Variants in PRKACB observed in about 807,000 individuals in gnomAD.
PRKACB encodes the protein cAMP-dependent protein kinase catalytic subunit beta.
Under a neutral mutation model 51.4 loss-of-function variants are expected in PRKACB, and 16 were observed. That is an observed-to-expected ratio of 0.31 (90% confidence interval 0.21 to 0.47). PRKACB has a LOEUF of 0.47. Among genes scored for constraint, PRKACB ranks in the 20% least tolerant of loss-of-function variants. The pLI, the probability that PRKACB is intolerant of heterozygous loss-of-function variation, is 1.00. For missense variants in PRKACB, 309 were observed against 464.5 expected, an observed-to-expected ratio of 0.67 and a Z score of 3.08; for synonymous variants, 147 against 154.4, an observed-to-expected ratio of 0.95 and a Z score of 0.35.
intron 6 of PRKACB, 136 bp downstream of exon 6, chr1:84,196,878 G>T: frequency 6.2e-6 from 6 of 971,300 alleles, no homozygotes; most frequent in Non-Finnish European, 7.4e-6. Context: ...TCAGAGTTTT[G>T]CTGCTATTAC....
chr1:84,137,266 T>C (rs1652922604), intron 1 of PRKACB, among the ~76,000 whole-genome samples: 1 of 152,202 alleles, frequency 6.6e-6, no homozygotes. Context: ...GGATAAATTT[T>C]AAATACATAT....
At chr1:84,175,863 G>A (rs1000661557) in intron 1 of PRKACB, 8 of 1,281,686 alleles carry the variant, frequency 6.2e-6, no homozygotes, top group Non-Finnish European at 8.3e-6. Context: ...CATACAAACA[G>A]AAAAAATATA....
chr1:84,218,848 T>C (rs903110089), intron 9 of PRKACB, among the ~76,000 whole-genome samples: 5 of 152,232 alleles, frequency 3.3e-5, no homozygotes, highest in Admixed American at 1.3e-4. Context: ...CTGGGTACGA[T>C]GATATCTCAC....
At chr1:84,227,337 T>C (rs900225228) in intron 9 of PRKACB, among the ~76,000 whole-genome samples, 2 of 152,150 alleles carry the variant, frequency 1.3e-5, no homozygotes, top group Non-Finnish European at 2.9e-5. Context: ...TCCATTTCCC[T>C]TTCTAATTAT....
chr1:84,222,748 A>G (rs1673929842), intron 9 of PRKACB, among the ~76,000 whole-genome samples: 2 of 151,750 alleles, frequency 1.3e-5, no homozygotes, highest in Non-Finnish European at 2.9e-5. Flanking sequence ...TTTCTCCTTC[A>G]TTTTTGAAGA....
At chr1:84,146,990 A>G (rs998896225) in intron 1 of PRKACB, among the ~76,000 whole-genome samples, 1 of 152,074 alleles carries the variant, frequency 6.6e-6, no homozygotes, top group African/African-American at 2.4e-5. Context: ...TCCAACTCAG[A>G]ATGAATGAGA....
intron 1 of PRKACB, among the ~76,000 whole-genome samples, chr1:84,146,297 C>G (rs889531266): frequency 3.3e-5 from 5 of 151,794 alleles, no homozygotes; most frequent in Non-Finnish European, 7.4e-5. Flanking sequence ...CTCTACTTGA[C>G]TCTCCTTTTT....
At chr1:84,124,395 G>A (rs1309501625) in intron 1 of PRKACB, among the ~76,000 whole-genome samples, 2 of 152,162 alleles carry the variant, frequency 1.3e-5, no homozygotes, top group Non-Finnish European at 2.9e-5. Flanking sequence ...TTTTGTATTA[G>A]TATAACTTTA....
intron 8 of PRKACB, among the ~76,000 whole-genome samples, chr1:84,208,733 G>A (rs1671712612): frequency 6.6e-6 from 1 of 152,176 alleles, no homozygotes; most frequent in African/African-American, 2.4e-5. Flanking sequence ...TTGAATTAAT[G>A]TCTACAGAAT....
intron 1 of PRKACB, among the ~76,000 whole-genome samples, chr1:84,178,488 A>G (rs1434620143): frequency 6.6e-6 from 1 of 152,028 alleles, no homozygotes; most frequent in Non-Finnish European, 1.5e-5. Context: ...ATTATTAATC[A>G]ATATACAAAC....
intron 1 of PRKACB, among the ~76,000 whole-genome samples, chr1:84,125,410 A>C (rs1390704701): frequency 2.0e-5 from 3 of 152,150 alleles, no homozygotes; most frequent in Non-Finnish European, 2.9e-5. Flanking sequence ...ATTTTTTTAG[A>C]TCGGGCCCAC....
intron 9 of PRKACB, among the ~76,000 whole-genome samples, chr1:84,228,314 C>G (rs148877411): frequency 6.6e-6 from 1 of 152,254 alleles, no homozygotes; most frequent in East Asian, 1.9e-4. Context: ...CCTTGGAGAG[C>G]TCTGGGCCAG....
At chr1:84,177,569 T>C (rs1180138186) in intron 1 of PRKACB, among the ~76,000 whole-genome samples, 2 of 151,868 alleles carry the variant, frequency 1.3e-5, no homozygotes, top group Non-Finnish European at 2.9e-5. Context: ...AGTTAGACCC[T>C]CATCTCTACA....
At chr1:84,141,729 G>T (rs572252287), upstream of PRKACB, among the ~76,000 whole-genome samples, 8 of 152,136 alleles carry the variant, frequency 5.3e-5, no homozygotes, top group South Asian at 1.5e-3. Context: ...AAAAAATCTG[G>T]CTAGATGTGT....
chr1:84,193,294 G>A (rs1301583101), intron 5 of PRKACB, among the ~76,000 whole-genome samples: 1 of 152,074 alleles, frequency 6.6e-6, no homozygotes, highest in South Asian at 2.1e-4. Context: ...GCTCCAATGG[G>A]GGTACTTCAT....
At chr1:84,112,674 T>C (rs1317991648) in intron 1 of PRKACB, among the ~76,000 whole-genome samples, 1 of 152,170 alleles carries the variant, frequency 6.6e-6, no homozygotes, top group African/African-American at 2.4e-5. Flanking sequence ...TTAATTTACA[T>C]TTTTGCAACT....
At chr1:84,115,567 A>G (rs899459682) in intron 1 of PRKACB, among the ~76,000 whole-genome samples, 5 of 151,064 alleles carry the variant, frequency 3.3e-5, no homozygotes, top group African/African-American at 4.9e-5. Flanking sequence ...TGTTGCCTGT[A>G]TTTTTGAGGT....
In PRKACB at chr1:84,098,438, T is replaced by G. The variant is rs144459720; in HGVS notation, c.46+20067T>G. Reference sequence around the variant, plus strand: ...TCATGAAGATAGTTTCTTTTGTTCTTCTAAAAGACCTATTATCTTTGTCAC... The same window carrying G: ...TCATGAAGATAGTTTCTTTTGTTCTGCTAAAAGACCTATTATCTTTGTCAC... On this transcript the variant is annotated intron_variant, in intron 1 of 8. Coordinates refer to the PRKACB transcript ENST00000370688. 4.5e-4 allele frequency among the ~76,000 whole-genome samples: 68 copies of G among 152,204 alleles called. 1 individual carries two copies. Among genetic ancestry groups the G allele is most frequent in the African/African-American group, 1.5e-3 (62 of 41,564 alleles).
chr1:84,228,369 G>A (rs1222568183), intron 9 of PRKACB, among the ~76,000 whole-genome samples: 1 of 152,184 alleles, frequency 6.6e-6, no homozygotes, highest in Non-Finnish European at 1.5e-5. Context: ...CCGCTTATCA[G>A]TCATGTGAAT....
Sources: allele counts gnomAD v4.1 joint callset (sites outside exome capture counted in the v4.1 genomes callset), GRCh38; gene constraint gnomAD v4.1.1; transcripts MANE v1.5; gene names NCBI Gene and HGNC (gene_info 2026-07-23, HGNC 2026-07-21).